The following CNTN4 variants were observed in gnomAD, a reference collection of about 807,000 sequenced individuals.
The protein encoded by CNTN4 is contactin 4, also known as contactin-4.
CNTN4 carries 77 observed loss-of-function variants against 122.5 expected under a neutral mutation model. That is an observed-to-expected ratio of 0.63 (90% CI 0.52 to 0.76). CNTN4 has a LOEUF of 0.76. Among genes scored for constraint, CNTN4 ranks in the 30% least tolerant of loss-of-function variants. The pLI is 0.00. For synonymous variants in CNTN4, 512 were observed against 447.0 expected, an observed-to-expected ratio of 1.15 and a Z score of -1.83; for missense variants, 1,256 against 1,259.1, an observed-to-expected ratio of 1.00 and a Z score of 0.04.
chr3:2,967,994 G>T (rs1692499632), intron 13 of CNTN4, among the ~76,000 whole-genome samples: 1 of 152,030 alleles, frequency 6.6e-6, no homozygotes, highest in South Asian at 2.1e-4. Flanking sequence ...ACCATTTTCA[G>T]TTGAAAGTTA....
intron 3 of CNTN4, among the ~76,000 whole-genome samples, chr3:2,445,422 T>C (rs1056129165): frequency 3.9e-5 from 6 of 152,118 alleles, no homozygotes; most frequent in Non-Finnish European, 8.8e-5. Context: ...AAGATAGAGG[T>C]GGAACCAAGG....
chr3:2,891,342 G>A (rs1352633397), intron 10 of CNTN4, among the ~76,000 whole-genome samples: 2 of 152,078 alleles, frequency 1.3e-5, no homozygotes, highest in African/African-American at 4.8e-5. Context: ...AACTACACGG[G>A]AGGCTGAGGC....
chr3:2,570,569 G>C (rs1032828748), intron 3 of CNTN4, among the ~76,000 whole-genome samples: 1 of 152,168 alleles, frequency 6.6e-6, no homozygotes, highest in African/African-American at 2.4e-5. Context: ...AAAAGTCGTA[G>C]ATGCCCCTGC....
intron 7 of CNTN4, among the ~76,000 whole-genome samples, chr3:2,856,718 C>T (rs1324694199): frequency 6.6e-6 from 1 of 152,166 alleles, no homozygotes; most frequent in East Asian, 1.9e-4. Flanking sequence ...TACTCAGCCT[C>T]CCTAAAGTTT....
rs567783001 is a variant in CNTN4, at chr3:2,316,538, C to T, written c.-144-22640C>T. Among the ~76,000 whole-genome samples, 63 of 152,124 alleles carry T rather than the reference C, an allele frequency of 4.1e-4. 1 individual carries two copies. In the South Asian group the frequency reaches 0.012, roughly 30 times the overall value. On this transcript the variant is annotated intron_variant, in intron 2 of 24. Transcript: ENST00000418658. ...CGGGCAGTCTTTTTCTTAAGAGAATCCTGCAAGACTGAGGCATAAGATACA... is the reference window on the plus strand; with the variant it reads ...CGGGCAGTCTTTTTCTTAAGAGAATTCTGCAAGACTGAGGCATAAGATACA...
At chr3:2,484,355 T>G (rs560944481) in intron 3 of CNTN4, among the ~76,000 whole-genome samples, 25 of 152,306 alleles carry the variant, frequency 1.6e-4, no homozygotes, top group African/African-American at 5.8e-4. Context: ...CATTGCTCAA[T>G]GTAAAAATAA....
intron 8 of CNTN4, among the ~76,000 whole-genome samples, chr3:2,875,672 C>A (rs763757919): frequency 9.9e-5 from 15 of 152,110 alleles, no homozygotes; most frequent in African/African-American, 2.7e-4. Context: ...ACTTTGTTAA[C>A]CCTTGACAAA....
intron 2 of CNTN4, among the ~76,000 whole-genome samples, chr3:2,169,227 C>T (rs891046696): frequency 2.0e-5 from 3 of 152,032 alleles, no homozygotes; most frequent in Non-Finnish European, 4.4e-5. Context: ...ATACACTTAC[C>T]AAGTATATTT....
chr3:2,336,026 G>A (rs2043940389), intron 2 of CNTN4, among the ~76,000 whole-genome samples: 1 of 152,136 alleles, frequency 6.6e-6, no homozygotes, highest in African/African-American at 2.4e-5. Context: ...CACAGTAAAA[G>A]GTATGTGTGT....
chr3:2,410,814 A>C (rs1278392757), intron 3 of CNTN4, among the ~76,000 whole-genome samples: 1 of 152,206 alleles, frequency 6.6e-6, no homozygotes, highest in African/African-American at 2.4e-5. Flanking sequence ...TTCTAGTTTC[A>C]TATTAAAAGA....
rs2040051388 is a variant in CNTN4 at position 2,244,155 on chromosome 3, A to G, written c.-144-95023A>G. Among the ~76,000 whole-genome samples, 3 of 152,210 alleles carry G rather than the reference A, an allele frequency of 2.0e-5. 1 individual carries two copies. In the South Asian group the frequency reaches 6.2e-4, roughly 32 times the overall value. Reference sequence around the variant, plus strand: ...ATAAAGTTTAATTTATAAATTAGGCACAGTAAGAAATTAATAACTATTGAT... The same window carrying G: ...ATAAAGTTTAATTTATAAATTAGGCGCAGTAAGAAATTAATAACTATTGAT... On this transcript the variant is annotated intron_variant, in intron 2 of 24. Coordinates refer to ENST00000418658, the MANE Select transcript of CNTN4 (RefSeq NM_175607.3).
At chr3:2,120,993 C>G (rs1246221146) in intron 2 of CNTN4, among the ~76,000 whole-genome samples, 1 of 152,140 alleles carries the variant, frequency 6.6e-6, no homozygotes, top group Non-Finnish European at 1.5e-5. Context: ...TGAGGCTCCT[C>G]ACACTTTGGG....
intron 4 of CNTN4, among the ~76,000 whole-genome samples, chr3:2,688,771 G>A (rs903912115): frequency 1.3e-5 from 2 of 152,150 alleles, no homozygotes; most frequent in African/African-American, 4.8e-5. Flanking sequence ...CTCCCTACGT[G>A]GGTCTTTGTA....
chr3:2,704,422 G>A (rs2086536463), intron 4 of CNTN4, among the ~76,000 whole-genome samples: 1 of 151,666 alleles, frequency 6.6e-6, no homozygotes, highest in South Asian at 2.1e-4. Context: ...AGTACGATAT[G>A]GCTCTAAAAG....
intron 4 of CNTN4, among the ~76,000 whole-genome samples, chr3:2,670,160 T>C (rs569796413): frequency 1.3e-5 from 2 of 152,298 alleles, no homozygotes; most frequent in African/African-American, 4.8e-5. Context: ...TAACTTTCTG[T>C]CTCATTGATC....
At chr3:2,845,266 C>A (rs1011329136) in intron 7 of CNTN4, among the ~76,000 whole-genome samples, 14 of 151,880 alleles carry the variant, frequency 9.2e-5, no homozygotes, top group Admixed American at 8.5e-4. Context: ...GTAAGGAAAC[C>A]AAAACTGTAA....
At position 2,633,683 on chromosome 3, in the gene CNTN4, C is replaced by T. The variant is rs572945140; in HGVS notation, c.55+62125C>T. 4.6e-5 allele frequency among the ~76,000 whole-genome samples: 7 copies of T among 152,194 alleles called. No homozygotes were observed. The East Asian group carries it at 1.3e-3, about 29-fold the overall frequency. On this transcript the variant is annotated intron_variant, in intron 4 of 24. Coordinates refer to ENST00000418658, the MANE Select transcript of CNTN4 (RefSeq NM_175607.3). ...TATCCTCTCCACACTCATAGTAGTC[C>T]ACCGCCTATAAAGGTCTTTAAGAAA...
chr3:2,138,233 T>C (rs2034806693), intron 2 of CNTN4, among the ~76,000 whole-genome samples: 1 of 151,992 alleles, frequency 6.6e-6, no homozygotes, highest in Non-Finnish European at 1.5e-5. Context: ...GCCTGGCTAA[T>C]TTTTGTGTTT....
At chr3:2,356,251 G>A (rs1297696580) in intron 3 of CNTN4, among the ~76,000 whole-genome samples, 1 of 152,176 alleles carries the variant, frequency 6.6e-6, no homozygotes, top group Non-Finnish European at 1.5e-5. Flanking sequence ...AAAGGAATAA[G>A]AGAATGGCTA....
Sources: allele counts gnomAD v4.1 joint callset (sites outside exome capture counted in the v4.1 genomes callset), GRCh38; gene constraint gnomAD v4.1.1; transcripts MANE v1.5; gene names NCBI Gene and HGNC (gene_info 2026-07-23, HGNC 2026-07-21).